Variants in OR13G1 observed in about 807,000 individuals in gnomAD.
OR13G1 encodes the protein olfactory receptor family 13 subfamily G member 1.
For synonymous variants in OR13G1, 128 were observed against 136.2 expected (o/e 0.94, Z 0.42); for missense variants, 369 against 385.7 (o/e 0.96, Z 0.36).
Position 247,672,507 on chromosome 1 carries a change from G to T in OR13G1, c.535C>A (p.Pro179Thr), listed in dbSNP as rs1274792087. Residue 179 changes from proline to threonine, a missense_variant, in exon 2 of 2, where the codon CCC (proline) becomes ACC (threonine). By Grantham distance (38) the Pro-to-Thr change is conservative (BLOSUM62 -1). Coordinates refer to ENST00000642119, the MANE Select transcript of OR13G1 (RefSeq NM_001005487.2). Reference sequence around the variant, plus strand: ...CTACAGGACAAAGCCAGCAATGGGGGTATCTCACAGAAGAAGTGGTCAATG... The same window carrying T: ...CTACAGGACAAAGCCAGCAATGGGGTTATCTCACAGAAGAAGTGGTCAATG... Reference protein sequence around the residue: ...NTIDHFFCEIPPLLALSCSPV... With the variant: ...NTIDHFFCEITPLLALSCSPV... The T allele has an allele frequency of 6.2e-7, 1 of 1,614,088 alleles. No individual in the cohort carries two copies. The highest frequency in any genetic ancestry group is 8.5e-7 in the Non-Finnish European group (1 of 1,180,012).
intron 1 of OR13G1, among the ~76,000 whole-genome samples, chr1:247,677,176 G>A (rs1659361616): frequency 6.6e-6 from 1 of 152,178 alleles, no homozygotes; most frequent in Admixed American, 6.5e-5. Flanking sequence ...CTGGGAGGCG[G>A]AGGTTGCAGT....
intron 1 of OR13G1, among the ~76,000 whole-genome samples, chr1:247,678,270 A>G (rs1659391602): frequency 2.0e-5 from 3 of 152,218 alleles, no homozygotes; most frequent in African/African-American, 4.8e-5. Flanking sequence ...TTTATAAGCC[A>G]ATGTTATACC....
chr1:247,672,809 A>T lies in OR13G1; in HGVS notation c.233T>A (p.Met78Lys). The change falls in exon 2 of 2, where the codon ATG becomes AAG. Residue 78 changes from methionine to lysine, a missense_variant. Transcript: ENST00000642119. ...TTCTGATGTTAGCATGGTCCCCAGC[A>T]TCTTCGGTATGATGCTTGTTGTGCA... ...IICTTSIIPK[M>K]LGTMLTSENT... 6.2e-7 allele frequency: 1 copy of T among 1,614,090 alleles called. No individual in the cohort carries two copies. Among genetic ancestry groups the T allele is most frequent in the Non-Finnish European group, 8.5e-7 (1 of 1,179,996 alleles).
rs1659221295 is a variant in OR13G1, at chr1:247,672,230, A to G, written c.812T>C (p.Val271Ala). ...SSYTFERDKV[V>A]AALYTLVTPT... Reference sequence around the variant, plus strand: ...AGTCACAAGAGTATAGAGTGCAGCTACCACCTTGTCTCTTTCAAATGTATA... The same window carrying G: ...AGTCACAAGAGTATAGAGTGCAGCTGCCACCTTGTCTCTTTCAAATGTATA... Residue 271 changes from valine (V) to alanine (A), a missense_variant, in exon 2 of 2, where the codon GTA (valine) becomes GCA (alanine). Val to Ala is a moderately conservative substitution (Grantham distance 64). Transcript: ENST00000642119. 1 of 1,614,022 alleles carries G rather than the reference A, an allele frequency of 6.2e-7. No homozygotes were observed. Among genetic ancestry groups the G allele is most frequent in the African/African-American group, 1.3e-5 (1 of 74,942 alleles).
chr1:247,672,551 G>A lies in OR13G1; in HGVS notation c.491C>T (p.Thr164Ile). ...WVHTALIMRL[T>I]FCGPNTIDHF... Reference sequence around the variant, plus strand: ...GTCAATGGTGTTTGGCCCACAGAAAGTCAACCTCATGATAAGAGCTGTGTG... The same window carrying A: ...GTCAATGGTGTTTGGCCCACAGAAAATCAACCTCATGATAAGAGCTGTGTG... The change falls in exon 2 of 2, where the codon ACT (threonine) becomes ATT (isoleucine). Residue 164 changes from threonine (T) to isoleucine (I), a missense_variant. By Grantham distance (89) the Thr-to-Ile change is moderately conservative. Transcript: ENST00000642119. 6.2e-7 allele frequency: 1 copy of A among 1,614,090 alleles called. No individual in the cohort carries two copies. Among genetic ancestry groups the A allele is most frequent in the Non-Finnish European group, 8.5e-7 (1 of 1,180,014 alleles).
chr1:247,676,674 T>TAAC (rs1434057559), intron 1 of OR13G1, among the ~76,000 whole-genome samples: 1 of 152,172 alleles, frequency 6.6e-6, no homozygotes, highest in Non-Finnish European at 1.5e-5. Context: ...TTTTATATAG[T>TAAC]AACATAGCAC....
rs1414147474 is a variant in OR13G1, at chr1:247,671,099, A to G, written c.*1019T>C. 2 of 152,050 alleles carry G rather than the reference A, an allele frequency of 1.3e-5. No individual in the cohort carries two copies. Among genetic ancestry groups the G allele is most frequent in the Non-Finnish European group, 2.9e-5 (2 of 68,004 alleles). The allele number at this position is 152,050 out of a possible 1,614,324, so 9.4% of individuals were successfully genotyped here. On this transcript the variant is annotated 3_prime_UTR_variant, in exon 2 of 2. Transcript: ENST00000642119. Reference sequence around the variant, plus strand: ...AGCAACTGCCATAGTATAGACACCCATTTCTCATCCCATCTATGTTACATC... The same window carrying G: ...AGCAACTGCCATAGTATAGACACCCGTTTCTCATCCCATCTATGTTACATC...
Position 247,672,330 on chromosome 1 carries a change from A to G in OR13G1, c.712T>C (p.Cys238Arg). 2 of 1,614,056 alleles carry G rather than the reference A, an allele frequency of 1.2e-6. No homozygotes were observed. Among genetic ancestry groups the G allele is most frequent in the South Asian group, 1.1e-5 (1 of 91,074 alleles). Residue 238 changes from cysteine (C) to arginine (R), a missense_variant, in exon 2 of 2, where the codon TGC becomes CGC. Coordinates refer to ENST00000642119, the MANE Select transcript of OR13G1 (RefSeq NM_001005487.2). Reference protein sequence around the residue: ...VEGKRKAFSTCSSHLTVVTLY... With the variant: ...VEGKRKAFSTRSSHLTVVTLY... ...GTCACCACTGTGAGATGAGATGAGCATGTTGAGAAGGCCTTCCTCTTGCCT... is the reference window on the plus strand; with the variant it reads ...GTCACCACTGTGAGATGAGATGAGCGTGTTGAGAAGGCCTTCCTCTTGCCT...
Position 247,672,714 on chromosome 1 carries a change from C to T in OR13G1, c.328G>A (p.Val110Ile), listed in dbSNP as rs776565972. The T allele has an allele frequency of 1.9e-6, 3 of 1,613,920 alleles. No homozygotes were observed. Among genetic ancestry groups the T allele is most frequent in the South Asian group, 2.2e-5 (2 of 91,064 alleles). Residue 110 changes from valine (V) to isoleucine (I), a missense_variant, in exon 2 of 2, where the codon GTT becomes ATT. Transcript: ENST00000642119. ...LFTWSLGAEM[V>I]LFTTMAYDRY... ...TCATAGGCCATGGTGGTGAAGAGAA[C>T]CATCTCAGCTCCCAGAGACCATGTG...
intron 1 of OR13G1, among the ~76,000 whole-genome samples, chr1:247,674,322 T>A (rs899258373): frequency 6.6e-5 from 10 of 152,212 alleles, no homozygotes; most frequent in African/African-American, 2.4e-4. Context: ...AATTTATGTT[T>A]ATCAATGTTC....
chr1:247,677,646 G>A (rs1240507926), intron 1 of OR13G1, among the ~76,000 whole-genome samples: 1 of 152,206 alleles, frequency 6.6e-6, no homozygotes, highest in Non-Finnish European at 1.5e-5. Flanking sequence ...GCAGGATGCA[G>A]TGCACTGCCA....
At position 247,672,178 on chromosome 1, in the gene OR13G1, G is replaced by A. The variant is rs1272048278; in HGVS notation, c.864C>T (p.Ser288=). The A allele has an allele frequency of 1.2e-6, 2 of 1,614,098 alleles. No homozygotes were observed. The highest frequency in any genetic ancestry group is 2.7e-5 in the African/African-American group (2 of 75,054). ...VTPTLNPMVY[S]FQNREMQAGI... ...CTGCCTGCATCTCCCTATTCTGGAA[G>A]CTGTACACCATCGGGTTTAATGTGG... Residue 288 remains serine, a synonymous_variant, in exon 2 of 2, where the codon AGC becomes AGT. Coordinates refer to ENST00000642119, the MANE Select transcript of OR13G1 (RefSeq NM_001005487.2).
At chr1:247,678,320 A>G (rs956365065) in intron 1 of OR13G1, among the ~76,000 whole-genome samples, 3 of 152,158 alleles carry the variant, frequency 2.0e-5, no homozygotes, top group African/African-American at 7.2e-5. Context: ...TTATGTATCC[A>G]TTACATCATT....
intron 1 of OR13G1, among the ~76,000 whole-genome samples, chr1:247,677,174 C>T (rs1169586247): frequency 6.6e-6 from 1 of 152,008 alleles, no homozygotes; most frequent in Non-Finnish European, 1.5e-5. Context: ...GCCTGGGAGG[C>T]GGAGGTTGCA....
chr1:247,672,306 T>G lies in OR13G1; in HGVS notation c.736A>C (p.Thr246Pro). ...TAGATTACAGGAGAATAGTAAAGGG[T>G]CACCACTGTGAGATGAGATGAGCAT... ...STCSSHLTVV[T>P]LYYSPVIYTY... Residue 246 changes from threonine (T) to proline (P), a missense_variant, in exon 2 of 2, where the codon ACC becomes CCC. Transcript: ENST00000642119. 6.2e-7 allele frequency: 1 copy of G among 1,613,942 alleles called. No homozygotes were observed. Among genetic ancestry groups the G allele is most frequent in the Non-Finnish European group, 8.5e-7 (1 of 1,179,972 alleles).
chr1:247,672,573 T>C lies in OR13G1; in HGVS notation c.469A>G (p.Thr157Ala). 6.2e-7 allele frequency: 1 copy of C among 1,614,068 alleles called. No individual in the cohort carries two copies. The highest frequency in any genetic ancestry group is 1.1e-5 in the South Asian group (1 of 91,078). ...AAAGTCAACCTCATGATAAGAGCTGTGTGCACCCAGGAATTGGTGACTGCA... is the reference window on the plus strand; with the variant it reads ...AAAGTCAACCTCATGATAAGAGCTGCGTGCACCCAGGAATTGGTGACTGCA... ...AIAVTNSWVH[T>A]ALIMRLTFCG... is the part of the protein sequence containing the mutation. Residue 157 changes from threonine to alanine, a missense_variant, in exon 2 of 2, where the codon ACA becomes GCA. Thr to Ala is a moderately conservative substitution (Grantham distance 58). Transcript: ENST00000642119.
chr1:247,673,401 T>G, intron 1 of OR13G1, 122 bp from the exon 2 acceptor site: 1 of 212,318 alleles, frequency 4.7e-6, no homozygotes, highest in South Asian at 9.2e-5. Flanking sequence ...CACACATATG[T>G]ATATATTCTG....
chr1:247,678,857 A>C (rs576246378), intron 1 of OR13G1, among the ~76,000 whole-genome samples: 2 of 152,146 alleles, frequency 1.3e-5, no homozygotes, highest in African/African-American at 2.4e-5. Context: ...TTTGCCACTG[A>C]AAGACCCACA....
rs563985143 is a variant in OR13G1, at chr1:247,675,484, A to G, written c.-238-2205T>C. Among the ~76,000 whole-genome samples the G allele has an allele frequency of 7.4e-4, 113 of 152,268 alleles. 2 individuals carry two copies. The highest frequency in any genetic ancestry group is 6.2e-4 in the South Asian group (3 of 4,824). Reference sequence around the variant, plus strand: ...TTAAGAGCAAAGGCAAGGGAACCTGAGGATTCTGTTTCTCTTTTCTTCTTG... The same window carrying G: ...TTAAGAGCAAAGGCAAGGGAACCTGGGGATTCTGTTTCTCTTTTCTTCTTG... On this transcript the variant is annotated intron_variant, in intron 1 of 1. Coordinates refer to ENST00000642119, the MANE Select transcript of OR13G1 (RefSeq NM_001005487.2).
Sources: allele counts gnomAD v4.1 joint callset (sites outside exome capture counted in the v4.1 genomes callset), GRCh38; gene constraint gnomAD v4.1.1; transcripts MANE v1.5; gene names NCBI Gene and HGNC (gene_info 2026-07-23, HGNC 2026-07-21).